Variants in BMPR2 observed in about 807,000 individuals in gnomAD.
BMPR2 encodes bone morphogenetic protein receptor type-2.
In BMPR2, 29 loss-of-function variants were observed where a neutral mutation model predicts 100.8. That is an observed-to-expected ratio of 0.29 (90% CI 0.21 to 0.39). BMPR2 has a LOEUF of 0.39. Ranked by LOEUF, BMPR2 falls within the 10% of genes least tolerant of loss-of-function variation. The probability of loss-of-function intolerance (pLI) is 1.00; values close to 1 mark genes in which losing one functional copy is unlikely to be tolerated. For synonymous variants in BMPR2, 382 were observed against 442.3 expected, an observed-to-expected ratio of 0.86 and a Z score of 1.71; for missense variants, 1,011 against 1,274.5, an observed-to-expected ratio of 0.79 and a Z score of 3.15.
In BMPR2 at chr2:202,417,563, A is replaced by G. The variant is rs184947871; in HGVS notation, c.76+40013A>G. ...GGTGATACGCCCGCCTTGGCCTCCC[A>G]GAGTGCTGGGATTACAGACATGAGC... On this transcript the variant is annotated intron_variant, in intron 1 of 12. Transcript: ENST00000374580. Among the ~76,000 whole-genome samples the G allele has an allele frequency of 1.8e-4, 27 of 152,238 alleles. No homozygotes were observed. In the East Asian group the frequency reaches 4.8e-3, roughly 27 times the overall value.
intron 1 of BMPR2, among the ~76,000 whole-genome samples, chr2:202,427,540 C>T (rs1165348310): frequency 6.6e-6 from 1 of 151,082 alleles, no homozygotes; most frequent in African/African-American, 2.4e-5. Flanking sequence ...CTTTGTTTTC[C>T]TCTGAACCTT....
rs369825673 is a variant in BMPR2, at chr2:202,556,337, G to C, written c.2672G>C (p.Arg891Thr). The C allele has an allele frequency of 1.9e-6, 3 of 1,614,070 alleles. No individual in the cohort carries two copies. Among genetic ancestry groups the C allele is most frequent in the African/African-American group, 1.3e-5 (1 of 74,928 alleles). ...GTTCTGGATCGTCTTGTGGACAGGA[G>C]GGAACGGCCACTAGAAGGTGGCCGA... The part of the protein sequence containing the change: ...EGVLDRLVDR[R>T]ERPLEGGRTN... Residue 891 changes from arginine to threonine, a missense_variant, in exon 12 of 13, where the codon AGG (arginine) becomes ACG (threonine). Coordinates refer to ENST00000374580, the MANE Select transcript of BMPR2 (RefSeq NM_001204.7).
At chr2:202,553,508 C>T (rs538368722) in intron 11 of BMPR2, among the ~76,000 whole-genome samples, 8 of 152,232 alleles carry the variant, frequency 5.3e-5, no homozygotes, top group Admixed American at 1.3e-4. Context: ...GAACTTTCTA[C>T]ATCTGTATTT....
Position 202,471,912 on chromosome 2 carries a change from TTGTGTGTGTG to T in BMPR2, c.418+4241_418+4250del, listed in dbSNP as rs111523279. On this transcript the variant is annotated intron_variant, in intron 3 of 12. Transcript: ENST00000374580. ...TACTGTGTATTGGTTCAAAAAAAGA[TTGTGTGTGTG>T]TGTGTGTGTGTGTGTGTAGAAAGAG... 4.8e-4 allele frequency among the ~76,000 whole-genome samples: 71 copies of T among 147,846 alleles called. 1 individual carries two copies. Among genetic ancestry groups the T allele is most frequent in the African/African-American group, 1.5e-3 (60 of 40,390 alleles).
intron 1 of BMPR2, among the ~76,000 whole-genome samples, chr2:202,434,650 T>TGA (rs1437231916): frequency 2.7e-5 from 4 of 148,898 alleles, no homozygotes; most frequent in African/African-American, 1.0e-4. Flanking sequence ...GATAGTGTCT[T>TGA]GCTCTGTCAC....
chr2:202,507,379 A>G (rs988936208), intron 3 of BMPR2, among the ~76,000 whole-genome samples: 2 of 152,188 alleles, frequency 1.3e-5, no homozygotes, highest in Non-Finnish European at 1.5e-5. Flanking sequence ...TCTAAGCAGA[A>G]GTGGGAGTCA....
chr2:202,446,749 C>T (rs538735778), intron 1 of BMPR2, among the ~76,000 whole-genome samples: 8 of 149,166 alleles, frequency 5.4e-5, no homozygotes, highest in African/African-American at 2.1e-4. Context: ...CTCCCAGGTT[C>T]AAGTGATTCT....
At chr2:202,548,338 G>GCTA (rs1162368958) in intron 10 of BMPR2, among the ~76,000 whole-genome samples, 10 of 152,014 alleles carry the variant, frequency 6.6e-5, no homozygotes, top group Non-Finnish European at 1.0e-4. Context: ...TGTAGTCTAA[G>GCTA]CTACATAGGA....
rs186086897 is a variant in BMPR2 at position 202,503,242 on chromosome 2, G to A, written c.419-10477G>A. On this transcript the variant is annotated intron_variant, in intron 3 of 12. Transcript: ENST00000374580. This position sits in a 1 kb window ranked among gnomAD's most constrained non-coding sequence, Gnocchi z 4.0. ...CGTGCTGGCAGTCCTCACAGCCCTC[G>A]CTCACTCTCAGCGCCTCTGCCTGGG... 3.2e-3 allele frequency among the ~76,000 whole-genome samples: 490 copies of A among 152,350 alleles called. 2 individuals are homozygous for A. The highest frequency in any genetic ancestry group is 0.011 in the African/African-American group (473 of 41,590).
intron 1 of BMPR2, among the ~76,000 whole-genome samples, chr2:202,440,441 G>C (rs1691714508): frequency 6.7e-6 from 1 of 149,742 alleles, no homozygotes; most frequent in African/African-American, 2.5e-5. Context: ...TCACTTCCTA[G>C]ACGGGATGGC....
At chr2:202,446,965 T>G (rs1252286632) in intron 1 of BMPR2, among the ~76,000 whole-genome samples, 1 of 148,440 alleles carries the variant, frequency 6.7e-6, no homozygotes, top group Non-Finnish European at 1.5e-5. Flanking sequence ...TTTTTAAAAA[T>G]GCAGTTACAT....
At position 202,464,790 on chromosome 2, in the gene BMPR2, T is replaced by A; in HGVS notation, c.77-19T>A. 2 of 1,603,508 alleles carry A rather than the reference T, an allele frequency of 1.2e-6. No individual in the cohort carries two copies. Among genetic ancestry groups the A allele is most frequent in the South Asian group, 2.3e-5 (2 of 88,336 alleles). On this transcript the variant is annotated intron_variant, in intron 1 of 12. Coordinates refer to ENST00000374580, the MANE Select transcript of BMPR2 (RefSeq NM_001204.7). ...AAAACATTAAATAATTTGTCATTCC[T>A]TTATTTCCTTTATTTTAGCTTCGCA...
At chr2:202,414,719 G>A (rs1167505368) in intron 1 of BMPR2, among the ~76,000 whole-genome samples, 2 of 152,090 alleles carry the variant, frequency 1.3e-5, no homozygotes. Context: ...CCTAATCTCA[G>A]AGCAACACCC....
At chr2:202,549,833 A>C (rs577653289) in intron 10 of BMPR2, among the ~76,000 whole-genome samples, 2 of 152,220 alleles carry the variant, frequency 1.3e-5, no homozygotes, top group East Asian at 3.9e-4. Context: ...CCAGCAGTGC[A>C]TAAGAGTTCC....
chr2:202,394,888 TTA>T (rs1690627622), intron 1 of BMPR2, among the ~76,000 whole-genome samples: 1 of 31,822 alleles, frequency 3.1e-5, no homozygotes, highest in East Asian at 9.8e-4. Context: ...TTACTTTTTT[TTA>T]TTTTTTTTTT....
At chr2:202,403,212 C>A (rs1690806349) in intron 1 of BMPR2, among the ~76,000 whole-genome samples, 1 of 129,180 alleles carries the variant, frequency 7.7e-6, no homozygotes, top group Non-Finnish European at 1.7e-5. Context: ...CTCCCCTCCT[C>A]TTTTCGAGAC....
At chr2:202,451,737 G>A (rs912607322) in intron 1 of BMPR2, among the ~76,000 whole-genome samples, 6 of 151,946 alleles carry the variant, frequency 3.9e-5, no homozygotes, top group African/African-American at 9.7e-5. Context: ...ATGAGTTTTT[G>A]TTTTGTTTTT....
intron 1 of BMPR2, among the ~76,000 whole-genome samples, chr2:202,390,456 C>G (rs1271109688): frequency 1.3e-5 from 2 of 151,940 alleles, no homozygotes; most frequent in African/African-American, 4.8e-5. Flanking sequence ...CCTCAGCCCC[C>G]CAGTAGCTGG....
intron 1 of BMPR2, among the ~76,000 whole-genome samples, chr2:202,391,132 AC>A (rs1690540634): frequency 1.3e-5 from 2 of 150,038 alleles, no homozygotes; most frequent in South Asian, 4.2e-4. Context: ...ATGTGCCACC[AC>A]CCCCAGCTAA....
Sources: gnomAD v4.1 joint callset for allele counts (sites outside exome capture counted in the v4.1 genomes callset) on GRCh38, gnomAD v4.1.1 for gene constraint, Gnocchi (gnomAD v3.1) non-coding constraint, MANE v1.5 for transcripts, NCBI Gene and HGNC (gene_info 2026-07-23, HGNC 2026-07-21) for gene names.